The following CDK14 variants were observed in gnomAD, a reference collection of about 807,000 sequenced individuals.
CDK14 encodes the protein cyclin-dependent kinase 14.
Under a neutral mutation model 60.7 loss-of-function variants are expected in CDK14, and 34 were observed. The observed-to-expected ratio is 0.56, with a 90% confidence interval of 0.43 to 0.75. The LOEUF is 0.75. CDK14 is among the 30% of genes least tolerant of loss of function. The pLI is 0.00. For synonymous variants in CDK14, 197 were observed against 203.7 expected (o/e 0.97, Z 0.28); for missense variants, 482 against 564.1 (o/e 0.85, Z 1.47).
intron 2 of CDK14, among the ~76,000 whole-genome samples, chr7:90,675,213 T>C (rs1359333368): frequency 4.6e-5 from 7 of 152,118 alleles, no homozygotes; most frequent in East Asian, 1.9e-4. Flanking sequence ...TTTTTTTTTC[T>C]TCCTCCAGGC....
chr7:91,191,110 G>A (rs1231944152), intron 14 of CDK14, among the ~76,000 whole-genome samples: 1 of 152,080 alleles, frequency 6.6e-6, no homozygotes, highest in Non-Finnish European at 1.5e-5. Context: ...AAGGCCACAC[G>A]ACCCCACTTT....
intron 2 of CDK14, among the ~76,000 whole-genome samples, chr7:90,695,857 GAGA>G (rs1186930406): frequency 6.6e-6 from 1 of 152,152 alleles, no homozygotes; most frequent in Non-Finnish European, 1.5e-5. Flanking sequence ...GGGTCTGGGG[GAGA>G]AGGTCAGAGA....
chr7:90,973,237 T>C (rs761998989), intron 9 of CDK14, among the ~76,000 whole-genome samples: 13 of 152,122 alleles, frequency 8.5e-5, no homozygotes, highest in Non-Finnish European at 1.3e-4. Flanking sequence ...AGGCCTCTTA[T>C]CACTTTCAAT....
intron 8 of CDK14, among the ~76,000 whole-genome samples, chr7:90,926,518 C>T (rs1793420435): frequency 1.3e-5 from 2 of 152,166 alleles, no homozygotes; most frequent in Admixed American, 6.5e-5. Flanking sequence ...TGTTAGGGCT[C>T]CGCAGTGCTG....
At chr7:91,106,384 A>G (rs1003304743) in intron 12 of CDK14, among the ~76,000 whole-genome samples, 2 of 152,214 alleles carry the variant, frequency 1.3e-5, no homozygotes, top group African/African-American at 2.4e-5. Flanking sequence ...AGAATTTACC[A>G]TCAAATGATG....
At chr7:91,161,916 C>G (rs1195657556) in intron 14 of CDK14, among the ~76,000 whole-genome samples, 1 of 152,148 alleles carries the variant, frequency 6.6e-6, no homozygotes, top group Non-Finnish European at 1.5e-5. Context: ...AATGGCATGT[C>G]AACATGAAAT....
At chr7:90,807,573 A>G (rs1788907296) in intron 5 of CDK14, among the ~76,000 whole-genome samples, 1 of 152,248 alleles carries the variant, frequency 6.6e-6, no homozygotes, top group Non-Finnish European at 1.5e-5. Flanking sequence ...CCTCCTCCAA[A>G]GGAATGCAGC....
intron 12 of CDK14, among the ~76,000 whole-genome samples, chr7:91,092,625 G>A (rs967680959): frequency 1.3e-5 from 2 of 152,178 alleles, no homozygotes; most frequent in African/African-American, 4.8e-5. Flanking sequence ...TCTGTGTTGG[G>A]AACAGCCAAT....
chr7:90,660,918 T>A (rs1800853983), intron 2 of CDK14, among the ~76,000 whole-genome samples: 2 of 152,204 alleles, frequency 1.3e-5, no homozygotes, highest in African/African-American at 2.4e-5. Flanking sequence ...CAGGAGGGAA[T>A]GGTCTTGTTT....
chr7:90,926,309 C>T (rs189323049), intron 8 of CDK14, among the ~76,000 whole-genome samples: 5 of 150,868 alleles, frequency 3.3e-5, no homozygotes, highest in African/African-American at 9.7e-5. Context: ...CCCAACCCCA[C>T]GAGTCTTGAG....
intron 10 of CDK14, among the ~76,000 whole-genome samples, chr7:91,006,242 A>AT (rs535885623): frequency 1.1e-3 from 169 of 152,396 alleles, no homozygotes; most frequent in African/African-American, 3.8e-3. Flanking sequence ...CTTAAAGAAT[A>AT]TAAGTTTCCA....
chr7:90,963,354 G>T (rs531477266), intron 9 of CDK14, among the ~76,000 whole-genome samples: 24 of 151,932 alleles, frequency 1.6e-4, no homozygotes, highest in African/African-American at 4.8e-4. Flanking sequence ...ATTCAAGGCT[G>T]CAGTGAGCTA....
chr7:90,780,673 G>A (rs112486835), intron 4 of CDK14, among the ~76,000 whole-genome samples: 20,874 of 149,064 alleles, frequency 0.14, 1,691 homozygotes, highest in Middle Eastern at 0.24. Context: ...TTGTTCTTGC[G>A]ATAGTTAATG....
chr7:90,779,803 T>C (rs1805232076), intron 4 of CDK14, among the ~76,000 whole-genome samples: 1 of 152,214 alleles, frequency 6.6e-6, no homozygotes, highest in African/African-American at 2.4e-5. Context: ...ATGACAATAC[T>C]ATATGATAAC....
At chr7:90,656,960 G>C (rs753054856) in intron 2 of CDK14, among the ~76,000 whole-genome samples, 6 of 152,110 alleles carry the variant, frequency 3.9e-5, no homozygotes, top group Non-Finnish European at 8.8e-5. Flanking sequence ...TGCCTTTTGA[G>C]ATTTATGCCT....
At chr7:90,621,973 A>G (rs1799780343) in intron 2 of CDK14, among the ~76,000 whole-genome samples, 2 of 152,198 alleles carry the variant, frequency 1.3e-5, no homozygotes, top group Admixed American at 1.3e-4. Flanking sequence ...TTGGCCTTTG[A>G]AAGGGAACAT....
intron 2 of CDK14, among the ~76,000 whole-genome samples, chr7:90,693,682 G>A (rs1305120178): frequency 6.6e-6 from 1 of 152,110 alleles, no homozygotes; most frequent in East Asian, 1.9e-4. Flanking sequence ...AAGTCCCAGC[G>A]ACAGAACATC....
rs143588332 is a variant in CDK14, at chr7:91,032,821, A to G, written c.1042-13076A>G. ...GTTGTTACAGCAGTCACGGGAAATC[A>G]ATACATTCATATTAACATATTTTTG... On this transcript the variant is annotated intron_variant, in intron 10 of 14. Coordinates refer to ENST00000380050, the MANE Select transcript of CDK14 (RefSeq NM_001287135.2). Among the ~76,000 whole-genome samples, 162 of 152,372 alleles carry G rather than the reference A, an allele frequency of 1.1e-3. 1 individual carries two copies. Among genetic ancestry groups the G allele is most frequent in the African/African-American group, 3.7e-3 (154 of 41,590 alleles).
intron 2 of CDK14, among the ~76,000 whole-genome samples, chr7:90,663,163 C>T (rs1220822658): frequency 2.0e-5 from 3 of 152,026 alleles, no homozygotes; most frequent in East Asian, 3.9e-4. Context: ...ATGTAGGCCA[C>T]CCCCTTCTTT....
Sources: gnomAD v4.1 joint callset for allele counts (sites outside exome capture counted in the v4.1 genomes callset) on GRCh38, gnomAD v4.1.1 for gene constraint, MANE v1.5 for transcripts, NCBI Gene and HGNC (gene_info 2026-07-23, HGNC 2026-07-21) for gene names.